TENM2: variants seen among roughly 807,000 people sequenced by gnomAD.
TENM2 encodes teneurin-2.
In TENM2, 52 loss-of-function variants were observed where a neutral mutation model predicts 245.2. The observed-to-expected ratio is 0.21, with a 90% CI of 0.17 to 0.27. The LOEUF is 0.27. TENM2 is among the 10% of genes least tolerant of loss of function. The pLI is 1.00. For synonymous variants in TENM2, 1,363 were observed against 1,438.9 expected, an observed-to-expected ratio of 0.95 and a Z score of 1.19; for missense variants, 3,046 against 3,666.8, an observed-to-expected ratio of 0.83 and a Z score of 4.37.
intron 2 of TENM2, among the ~76,000 whole-genome samples, chr5:167,796,250 GT>G (rs1297577129): frequency 6.6e-6 from 1 of 152,136 alleles, no homozygotes; most frequent in Non-Finnish European, 1.5e-5. Flanking sequence ...CTTATCATGT[GT>G]TATCCTGCCT....
intron 2 of TENM2, among the ~76,000 whole-genome samples, chr5:167,859,424 T>G (rs1271616997): frequency 1.9e-3 from 144 of 75,306 alleles, no homozygotes; most frequent in Non-Finnish European, 2.0e-3. Context: ...GTCCGGGAGG[T>G]GAGGGGCGCC....
chr5:168,235,825 T>C (rs918845544), intron 25 of TENM2, among the ~76,000 whole-genome samples: 3 of 145,228 alleles, frequency 2.1e-5, no homozygotes, highest in African/African-American at 7.8e-5. Context: ...AAAAAAGAAA[T>C]TGTGATGGGT....
At chr5:167,020,740 T>A in the TENM2 span, among the ~76,000 whole-genome samples, 1 of 152,202 alleles carries the variant, frequency 6.6e-6, no homozygotes, top group Non-Finnish European at 1.5e-5. Context: ...TTGGGAAGTA[T>A]TCCAGAGAGA....
At chr5:168,139,375 G>A in intron 12 of TENM2, 1 of 427,444 alleles carries the variant, frequency 2.3e-6, no homozygotes, top group Non-Finnish European at 4.7e-6. Flanking sequence ...TCTTCTCTTA[G>A]CTATATCTAT....
chr5:167,034,412 C>T, the TENM2 span, among the ~76,000 whole-genome samples: 2 of 152,110 alleles, frequency 1.3e-5, no homozygotes, highest in African/African-American at 2.4e-5. Flanking sequence ...GGGTGGATCA[C>T]GAGGTCAGGA....
chr5:167,192,193 A>G, the TENM2 span, among the ~76,000 whole-genome samples: 1 of 152,170 alleles, frequency 6.6e-6, no homozygotes, highest in Non-Finnish European at 1.5e-5. Flanking sequence ...GAGTCTGGGT[A>G]GCAGTACCAG....
At chr5:166,981,975 A>G in the TENM2 span, among the ~76,000 whole-genome samples, 1 of 152,166 alleles carries the variant, frequency 6.6e-6, no homozygotes, top group African/African-American at 2.4e-5. Context: ...GTTTATTATG[A>G]TAATAATTAT....
At chr5:167,057,008 T>C in the TENM2 span, among the ~76,000 whole-genome samples, 1 of 152,034 alleles carries the variant, frequency 6.6e-6, no homozygotes, top group Non-Finnish European at 1.5e-5. Flanking sequence ...TCTTGGATAT[T>C]CTGTTCTTTT....
At chr5:167,440,096 A>C (rs1263841643) in intron 2 of TENM2, among the ~76,000 whole-genome samples, 1 of 152,208 alleles carries the variant, frequency 6.6e-6, no homozygotes, top group African/African-American at 2.4e-5. Flanking sequence ...TTTTATTTTT[A>C]AAATGGTCTA....
chr5:167,793,194 A>G (rs1264739214), intron 2 of TENM2, among the ~76,000 whole-genome samples: 1 of 152,176 alleles, frequency 6.6e-6, no homozygotes, highest in Non-Finnish European at 1.5e-5. Flanking sequence ...CTTTGAGATC[A>G]AGAGAAAACC....
the TENM2 span, among the ~76,000 whole-genome samples, chr5:166,998,433 C>A: frequency 6.6e-6 from 1 of 152,106 alleles, no homozygotes; most frequent in East Asian, 1.9e-4. Flanking sequence ...CTAAATTACA[C>A]CTGGATGAAC....
At chr5:168,028,182 C>T (rs1436536401) in intron 5 of TENM2, among the ~76,000 whole-genome samples, 1 of 152,170 alleles carries the variant, frequency 6.6e-6, no homozygotes, top group African/African-American at 2.4e-5. Flanking sequence ...CCTTCTGCCG[C>T]CTCTCTCAAT....
rs149567444 is a variant in TENM2 at position 167,852,869 on chromosome 5, C to A, written c.503-23117C>A. 2.1e-3 allele frequency among the ~76,000 whole-genome samples: 317 copies of A among 152,210 alleles called. 1 individual carries two copies. The highest frequency in any genetic ancestry group is 3.4e-3 in the Non-Finnish European group (233 of 68,012). On this transcript the variant is annotated intron_variant, in intron 2 of 28. Transcript: ENST00000518659. ...TGTCATTATGAGCTGAATTTGTTAC[C>A]CACAAAGTGATAGAAGAAAGTCGGA...
chr5:168,021,860 C>G (rs757333228), intron 5 of TENM2, among the ~76,000 whole-genome samples: 49 of 151,534 alleles, frequency 3.2e-4, no homozygotes, highest in Non-Finnish European at 5.9e-4. Context: ...GAGTTGTGAC[C>G]TATCCAATTT....
intron 2 of TENM2, among the ~76,000 whole-genome samples, chr5:167,580,756 G>A (rs538119120): frequency 3.9e-5 from 6 of 152,340 alleles, no homozygotes; most frequent in Admixed American, 3.3e-4. Flanking sequence ...TCGGGAGGCC[G>A]AGGTGGGCGG....
At chr5:167,594,053 T>C (rs1776044796) in intron 2 of TENM2, among the ~76,000 whole-genome samples, 1 of 152,200 alleles carries the variant, frequency 6.6e-6, no homozygotes, top group Non-Finnish European at 1.5e-5. Flanking sequence ...CTTTAAGTTG[T>C]ATGTTCCCTG....
At chr5:167,916,687 A>G (rs1201814487) in intron 3 of TENM2, among the ~76,000 whole-genome samples, 1 of 152,170 alleles carries the variant, frequency 6.6e-6, no homozygotes, top group Non-Finnish European at 1.5e-5. Flanking sequence ...CTGTGAGCAG[A>G]GCTCGGATCT....
chr5:167,444,508 C>T (rs1341305250), intron 2 of TENM2, among the ~76,000 whole-genome samples: 1 of 152,122 alleles, frequency 6.6e-6, no homozygotes, highest in Non-Finnish European at 1.5e-5. Context: ...GAAATAATCA[C>T]ACCTGAAACA....
At chr5:167,002,649 C>T in the TENM2 span, among the ~76,000 whole-genome samples, 1 of 148,830 alleles carries the variant, frequency 6.7e-6, no homozygotes, top group African/African-American at 2.5e-5. Context: ...TGCAAAAAGA[C>T]AAAAAAACCA....
Sources: gnomAD v4.1 joint callset for allele counts (sites outside exome capture counted in the v4.1 genomes callset) on GRCh38, gnomAD v4.1.1 for gene constraint, MANE v1.5 for transcripts, NCBI Gene and HGNC (gene_info 2026-07-23, HGNC 2026-07-21) for gene names.